Variants in FTH1 observed in about 807,000 individuals in gnomAD.
FTH1 encodes ferritin heavy chain.
Under a neutral mutation model 21.8 loss-of-function variants are expected in FTH1, and 3 were observed. The observed-to-expected ratio is 0.14, with a 90% CI of 0.06 to 0.36. The LOEUF is 0.36. FTH1 is among the 10% of genes least tolerant of loss of function. The pLI, the probability that FTH1 is intolerant of heterozygous loss-of-function variation, is 1.00. For missense variants in FTH1, 147 were observed against 225.8 expected, an observed-to-expected ratio of 0.65 and a Z score of 2.24; for synonymous variants, 83 against 90.1, an observed-to-expected ratio of 0.92 and a Z score of 0.45.
rs146700893 is a variant in FTH1, at chr11:61,964,823, G to A, written c.456C>T (p.His152=). Residue 152 remains histidine (H), a synonymous_variant, in exon 4 of 4, where the codon CAC becomes CAT. Transcript: ENST00000273550. The part of the protein sequence containing the change: ...QVKAIKELGD[H]VTNLRKMGAP... ...CTCCCATCTTGCGCAAGTTGGTCACGTGGTCACCCAATTCTTTGATGGCTT... is the reference window on the plus strand; with the variant it reads ...CTCCCATCTTGCGCAAGTTGGTCACATGGTCACCCAATTCTTTGATGGCTT... 245 of 1,600,790 alleles carry A rather than the reference G, an allele frequency of 1.5e-4. No individual in the cohort carries two copies. In the African/African-American group the frequency reaches 2.6e-3, roughly 17 times the overall value.
chr11:61,964,729 A>G lies in FTH1; in HGVS notation c.550T>C (p.Ter184GlnextTer4), dbSNP rs1373976472. The change falls in exon 4 of 4, where the codon TAA becomes CAA. Residue 184 changes from the stop codon to glutamine, a stop_lost. Transcript: ENST00000273550. ...HTLGDSDNES[*>Q] Reference sequence around the variant, plus strand: ...CTATGGGGAAATTAGCCCGAGGCTTAGCTTTCATTATCACTGTCTCCCAGG... The same window carrying G: ...CTATGGGGAAATTAGCCCGAGGCTTGGCTTTCATTATCACTGTCTCCCAGG... 1.9e-6 allele frequency: 3 copies of G among 1,598,138 alleles called. No homozygotes were observed. Among genetic ancestry groups the G allele is most frequent in the Non-Finnish European group, 2.5e-6 (3 of 1,179,878 alleles).
At chr11:61,967,063 T>G in intron 1 of FTH1, 1 of 305,584 alleles carries the variant, frequency 3.3e-6, no homozygotes, top group East Asian at 6.5e-5. Flanking sequence ...AAGGTCTCCT[T>G]AAAAAAGAAG....
Position 61,967,515 on chromosome 11 carries a change from T to G in FTH1, c.-90A>C. 1 of 886,582 alleles carries G rather than the reference T, an allele frequency of 1.1e-6. No homozygotes were observed. Among genetic ancestry groups the G allele is most frequent in the Non-Finnish European group, 1.8e-6 (1 of 557,700 alleles). 54.9% of individuals were successfully genotyped at this position (886,582 alleles called of 1,614,324 possible). On this transcript the variant is annotated 5_prime_UTR_variant, in exon 1 of 4. Coordinates refer to ENST00000273550, the MANE Select transcript of FTH1 (RefSeq NM_002032.3). ...GCCTTGGGGCAGTCCGAGGGTGCGG[T>G]GAAGAGGTGACGGAGGGCTGGCTAT...
At chr11:61,965,888 CT>C (rs1942446782) in intron 1 of FTH1, among the ~76,000 whole-genome samples, 1 of 152,172 alleles carries the variant, frequency 6.6e-6, no homozygotes, top group Non-Finnish European at 1.5e-5. Context: ...GCACTTAGTC[CT>C]TTTCTCCTCC....
At chr11:61,964,949 G>A (rs759902073) in intron 3 of FTH1, 38 bp downstream of exon 3, 28 of 1,613,918 alleles carry the variant, frequency 1.7e-5, no homozygotes, top group African/African-American at 2.7e-5. Flanking sequence ...TAAGGCAAAT[G>A]ATTTCCTCCA....
At chr11:61,965,899 C>T (rs1372324637) in intron 1 of FTH1, among the ~76,000 whole-genome samples, 1 of 152,128 alleles carries the variant, frequency 6.6e-6, no homozygotes, top group Non-Finnish European at 1.5e-5. Context: ...TTTTCTCCTC[C>T]CTGCTCCTGT....
At chr11:61,965,857 G>A (rs1942445678) in intron 1 of FTH1, among the ~76,000 whole-genome samples, 7 of 152,192 alleles carry the variant, frequency 4.6e-5, no homozygotes, top group Admixed American at 4.6e-4. Context: ...TCTGATGAGA[G>A]GGCGCTGGAG....
chr11:61,966,143 G>A (rs995060752), intron 1 of FTH1, among the ~76,000 whole-genome samples: 29 of 152,074 alleles, frequency 1.9e-4, no homozygotes, highest in African/African-American at 6.0e-4. Flanking sequence ...GCGTGGTGGC[G>A]TGCGCCTGTA....
chr11:61,967,041 T>C (rs1942476161), intron 1 of FTH1: 2 of 268,362 alleles, frequency 7.5e-6, no homozygotes, highest in South Asian at 2.0e-4. Context: ...AACCCCAGGA[T>C]TTCAGGACAC....
chr11:61,964,656 C>A lies in FTH1; in HGVS notation c.*71G>T. ...CAACTTATAGAAAAGGTAAAGGAAACCCCAACATGCATGCACTGCCTTGGT... is the reference window on the plus strand; with the variant it reads ...CAACTTATAGAAAAGGTAAAGGAAAACCCAACATGCATGCACTGCCTTGGT... On this transcript the variant is annotated 3_prime_UTR_variant, in exon 4 of 4. Coordinates refer to ENST00000273550, the MANE Select transcript of FTH1 (RefSeq NM_002032.3). The A allele has an allele frequency of 6.7e-7, 1 of 1,501,488 alleles. No homozygotes were observed. The highest frequency in any genetic ancestry group is 1.7e-5 in the Admixed American group (1 of 59,664). 93.0% of individuals were successfully genotyped at this position (1,501,488 alleles called of 1,614,324 possible).
intron 1 of FTH1, among the ~76,000 whole-genome samples, chr11:61,965,933 A>G (rs1283585831): frequency 6.6e-6 from 1 of 152,164 alleles, no homozygotes; most frequent in African/African-American, 2.4e-5. Flanking sequence ...AAGCATGGTT[A>G]AAACTGAGCT....
At position 61,965,532 on chromosome 11, in the gene FTH1, G is replaced by A. The variant is rs772405543; in HGVS notation, c.115-17C>T. The A allele has an allele frequency of 6.3e-7, 1 of 1,599,746 alleles. No homozygotes were observed. The highest frequency in any genetic ancestry group is 1.1e-5 in the South Asian group (1 of 91,058). On this transcript the variant is annotated splice_polypyrimidine_tract_variant and intron_variant, in intron 1 of 3. Coordinates refer to ENST00000273550, the MANE Select transcript of FTH1 (RefSeq NM_002032.3). ...GTAGTAAGACTGAAAGGGGAACACT[G>A]AATGTGTTATACTAGGGATCCCCAG... is the stretch of plus-strand genomic sequence containing the variant.
chr11:61,964,385 G>C lies in FTH1; in HGVS notation c.*342C>G. 1.5e-6 allele frequency: 1 copy of C among 689,172 alleles called. No homozygotes were observed. The highest frequency in any genetic ancestry group is 2.4e-6 in the Non-Finnish European group (1 of 420,322). The allele number at this position is 689,172 out of a possible 1,614,324, so 42.7% of individuals were successfully genotyped here. On this transcript the variant is annotated 3_prime_UTR_variant, in exon 4 of 4. Transcript: ENST00000273550. ...CTGGATTCAGAGTCGGGAACCCTTA[G>C]TTCTATCTGAATCCAAGACAGCCAC...
chr11:61,964,653 A>G lies in FTH1; in HGVS notation c.*74T>C. The G allele has an allele frequency of 6.7e-7, 1 of 1,484,164 alleles. No homozygotes were observed. The highest frequency in any genetic ancestry group is 1.1e-5 in the South Asian group (1 of 88,414). 91.9% of individuals were successfully genotyped at this position (1,484,164 alleles called of 1,614,324 possible). On this transcript the variant is annotated 3_prime_UTR_variant, in exon 4 of 4. Transcript: ENST00000273550. ...GTACAACTTATAGAAAAGGTAAAGG[A>G]AACCCCAACATGCATGCACTGCCTT...
At chr11:61,965,292 T>C (rs1172650784) in intron 2 of FTH1, 77 bp downstream of exon 2, 3 of 1,602,968 alleles carry the variant, frequency 1.9e-6, no homozygotes, top group East Asian at 2.2e-5. Flanking sequence ...ATAAGGGCAA[T>C]TGCTAGTTTA....
intron 1 of FTH1, among the ~76,000 whole-genome samples, chr11:61,966,205 C>T (rs965149482): frequency 1.3e-5 from 2 of 152,136 alleles, no homozygotes; most frequent in East Asian, 1.9e-4. Context: ...ACCCAGGAGG[C>T]GGAGGCTGCA....
At chr11:61,965,190 T>C in intron 2 of FTH1, 78 bp from the exon 3 acceptor site, 1 of 1,600,156 alleles carries the variant, frequency 6.2e-7, no homozygotes, top group Non-Finnish European at 8.5e-7. Context: ...CCACCACGTT[T>C]TGGCAAAAGG....
intron 1 of FTH1, 39 bp from the exon 2 acceptor site, chr11:61,965,554 C>T (rs768359831): frequency 1.3e-6 from 2 of 1,597,966 alleles, no homozygotes; most frequent in Non-Finnish European, 1.7e-6. Flanking sequence ...CTAGGGATCC[C>T]CAGAGACAGG....
intron 1 of FTH1, 70 bp from the exon 2 acceptor site, chr11:61,965,585 G>A (rs767306127): frequency 1.3e-6 from 2 of 1,551,646 alleles, no homozygotes; most frequent in Non-Finnish European, 1.8e-6. Flanking sequence ...GATCTACAGG[G>A]AGGCAAGATG....
Sources: gnomAD v4.1 joint callset for allele counts (sites outside exome capture counted in the v4.1 genomes callset) on GRCh38, gnomAD v4.1.1 for gene constraint, MANE v1.5 for transcripts, NCBI Gene and HGNC (gene_info 2026-07-23, HGNC 2026-07-21) for gene names.